Variants in SH3PXD2A observed in about 807,000 individuals in gnomAD.
The protein encoded by SH3PXD2A is SH3 and PX domains 2A, also known as SH3 and PX domain-containing protein 2A.
A neutral mutation model predicts 115.2 loss-of-function variants in SH3PXD2A; 32 were observed. The ratio of observed to expected loss-of-function variants is 0.28; its 90% CI spans 0.21 to 0.37. The LOEUF is 0.37. SH3PXD2A is among the 10% of genes least tolerant of loss of function. The pLI is 1.00. For synonymous variants in SH3PXD2A, 610 were observed against 629.1 expected (o/e 0.97, Z 0.45); for missense variants, 1,328 against 1,498.7 (o/e 0.89, Z 1.88).
chr10:103,846,766 G>A (rs1842851989), intron 1 of SH3PXD2A, among the ~76,000 whole-genome samples: 1 of 152,206 alleles, frequency 6.6e-6, no homozygotes, highest in Non-Finnish European at 1.5e-5. Flanking sequence ...GGCCTAAGGT[G>A]GAACCATGGA....
chr10:103,664,051 C>T (rs1049028352), intron 7 of SH3PXD2A, among the ~76,000 whole-genome samples: 18 of 152,354 alleles, frequency 1.2e-4, no homozygotes, highest in Admixed American at 6.5e-4. Flanking sequence ...GAGGCAGCGC[C>T]GGGTGCTGCG....
At chr10:103,720,895 C>A (rs1160962175) in intron 5 of SH3PXD2A, among the ~76,000 whole-genome samples, 2 of 152,152 alleles carry the variant, frequency 1.3e-5, no homozygotes, top group African/African-American at 4.8e-5. Context: ...GAGACAGGGC[C>A]GGGCCCGGGG....
chr10:103,671,347 G>A (rs1030073240), intron 6 of SH3PXD2A, among the ~76,000 whole-genome samples: 10 of 152,144 alleles, frequency 6.6e-5, no homozygotes, highest in African/African-American at 1.4e-4. Flanking sequence ...TTTATAAAAC[G>A]AAAAGGGGGC....
chr10:103,747,900 T>G lies in SH3PXD2A; in HGVS notation c.230-12092A>C, dbSNP rs547228233. Among the ~76,000 whole-genome samples the G allele has an allele frequency of 1.3e-4, 20 of 152,246 alleles. 1 individual carries two copies. In the South Asian group the frequency reaches 4.2e-3, roughly 32 times the overall value. ...CCTGGGCTCAAGCAATCCACCCACT[T>G]CAGCCTCCCAAAGTGCTGAGATTAC... On this transcript the variant is annotated intron_variant, in intron 3 of 14. Transcript: ENST00000369774.
chr10:103,674,117 A>G (rs950856304), intron 6 of SH3PXD2A, among the ~76,000 whole-genome samples: 3 of 152,240 alleles, frequency 2.0e-5, no homozygotes, highest in Non-Finnish European at 4.4e-5. Context: ...TAAACTTTGT[A>G]CAGGGCTAGA....
chr10:103,654,177 G>A (rs1263038535), intron 8 of SH3PXD2A, among the ~76,000 whole-genome samples: 5 of 152,110 alleles, frequency 3.3e-5, no homozygotes, highest in Admixed American at 3.3e-4. Flanking sequence ...CCAATCCCAT[G>A]AGGCCACCAA....
intron 5 of SH3PXD2A, among the ~76,000 whole-genome samples, chr10:103,706,137 C>T (rs1314080216): frequency 1.3e-5 from 2 of 152,214 alleles, no homozygotes; most frequent in Non-Finnish European, 1.5e-5. Flanking sequence ...GTGACCCGCA[C>T]AGTGGGTCAC....
At chr10:103,747,352 G>T (rs965614812) in intron 3 of SH3PXD2A, among the ~76,000 whole-genome samples, 1 of 152,148 alleles carries the variant, frequency 6.6e-6, no homozygotes, top group Non-Finnish European at 1.5e-5. Flanking sequence ...TGGTGGGCGT[G>T]GTGGGCAGTG....
intron 6 of SH3PXD2A, among the ~76,000 whole-genome samples, chr10:103,680,987 GT>G (rs2037601182): frequency 6.6e-6 from 1 of 152,276 alleles, no homozygotes; most frequent in Admixed American, 6.5e-5. Context: ...CACTGGAAAG[GT>G]TGCCTCTTCT....
chr10:103,703,397 C>G (rs971304984), intron 5 of SH3PXD2A, among the ~76,000 whole-genome samples: 3 of 152,250 alleles, frequency 2.0e-5, no homozygotes, highest in African/African-American at 7.2e-5. Flanking sequence ...TGCCTGGTGT[C>G]ACACAGCTTG....
rs1592255925 is a variant in SH3PXD2A, at chr10:103,603,196, C to T, written c.2022G>A (p.Glu674=). Residue 674 remains glutamate, a synonymous_variant, in exon 15 of 15, where the codon GAG becomes GAA. Transcript: ENST00000369774. ...KSSSLLKLKA[E]KNAQAEMGKN... is the part of the protein sequence containing the mutation. ...TCCCCATTTCTGCCTGGGCATTCTT[C>T]TCTGCCTTGAGCTTTAGGAGTGATG... is the stretch of plus-strand genomic sequence containing the variant. The T allele has an allele frequency of 1.2e-6, 2 of 1,614,166 alleles. No homozygotes were observed. The highest frequency in any genetic ancestry group is 1.7e-6 in the Non-Finnish European group (2 of 1,180,036).
At position 103,666,000 on chromosome 10, in the gene SH3PXD2A, C is replaced by T. The variant is rs1206503745; in HGVS notation, c.472+2608G>A. 6.6e-6 allele frequency among the ~76,000 whole-genome samples: 1 copy of T among 152,162 alleles called. No individual in the cohort carries two copies. The highest frequency in any genetic ancestry group is 2.4e-5 in the African/African-American group (1 of 41,448). ...AGGGGTCCCCTGGACCCCTGCCCCA[C>T]CCTTGCCTCACATCTGCATTCCTTC... On this transcript the variant is annotated intron_variant, in intron 7 of 14. Coordinates refer to ENST00000369774, the MANE Select transcript of SH3PXD2A (RefSeq NM_001394015.1). The surrounding 1 kb of genome is among the most constrained non-coding windows in gnomAD (Gnocchi z 4.0).
At chr10:103,734,216 T>C (rs1053943968) in intron 4 of SH3PXD2A, among the ~76,000 whole-genome samples, 4 of 152,230 alleles carry the variant, frequency 2.6e-5, no homozygotes, top group Admixed American at 2.6e-4. Flanking sequence ...TGTGAAATTT[T>C]ATACCTTATT....
chr10:103,735,664 G>T, intron 4 of SH3PXD2A, 68 bp downstream of exon 4: 1 of 1,231,920 alleles, frequency 8.1e-7, no homozygotes, highest in Non-Finnish European at 1.2e-6. Flanking sequence ...GGACACTCAG[G>T]CAAATGGGCC....
chr10:103,659,091 C>T (rs1426174139), intron 8 of SH3PXD2A, among the ~76,000 whole-genome samples: 7 of 152,238 alleles, frequency 4.6e-5, no homozygotes, highest in Non-Finnish European at 8.8e-5. Flanking sequence ...GCATCTCCCC[C>T]TTTGTCAAGG....
chr10:103,821,309 A>G (rs2039377585), intron 1 of SH3PXD2A, among the ~76,000 whole-genome samples: 1 of 151,658 alleles, frequency 6.6e-6, no homozygotes, highest in Non-Finnish European at 1.5e-5. Context: ...TCGTATTTTT[A>G]GTAGAGACAG....
intron 1 of SH3PXD2A, among the ~76,000 whole-genome samples, chr10:103,839,817 C>T (rs759202627): frequency 2.4e-4 from 37 of 152,360 alleles, no homozygotes; most frequent in South Asian, 4.1e-4. Flanking sequence ...ACTAAGCAGC[C>T]GAACCAGGGG....
chr10:103,844,629 G>A (rs948840581), intron 1 of SH3PXD2A, among the ~76,000 whole-genome samples: 1 of 152,228 alleles, frequency 6.6e-6, no homozygotes, highest in African/African-American at 2.4e-5. Flanking sequence ...GGGACCAAGT[G>A]TGTAAGACAC....
rs933357588 is a variant in SH3PXD2A at position 103,594,242 on chromosome 10, G to T, written c.*7574C>A. The T allele has an allele frequency of 3.3e-5, 5 of 152,632 alleles. No individual in the cohort carries two copies. Among genetic ancestry groups the T allele is most frequent in the Admixed American group, 3.3e-4 (5 of 15,276 alleles). The allele number at this position is 152,632 out of a possible 1,614,324, so 9.5% of individuals were successfully genotyped here. On this transcript the variant is annotated 3_prime_UTR_variant, in exon 15 of 15. Coordinates refer to ENST00000369774, the MANE Select transcript of SH3PXD2A (RefSeq NM_001394015.1). Reference sequence around the variant, plus strand: ...CCTTCCCCAAGGGCACTGCATTTTTGTGATGAGATTAAAAACAAACCAACT... The same window carrying T: ...CCTTCCCCAAGGGCACTGCATTTTTTTGATGAGATTAAAAACAAACCAACT...
Sources: gnomAD v4.1 joint callset for allele counts (sites outside exome capture counted in the v4.1 genomes callset) on GRCh38, gnomAD v4.1.1 for gene constraint, Gnocchi (gnomAD v3.1) non-coding constraint, MANE v1.5 for transcripts, NCBI Gene and HGNC (gene_info 2026-07-23, HGNC 2026-07-21) for gene names.